Variants in EYS observed in about 807,000 individuals in gnomAD.
The protein encoded by EYS is EGF-like photoreceptor maintenance factor.
EYS carries 250 observed loss-of-function variants against 282.1 expected under a neutral mutation model. The observed-to-expected ratio is 0.89, with a 90% CI of 0.80 to 0.98. The LOEUF is 0.98. Ranked by LOEUF, EYS falls within the 50% of genes least tolerant of loss-of-function variation. The pLI is 0.00. For synonymous variants in EYS, 1,355 were observed against 1,282.9 expected (o/e 1.06, Z -1.20); for missense variants, 4,016 against 3,709.0 (o/e 1.08, Z -2.15).
intron 2 of EYS, among the ~76,000 whole-genome samples, chr6:65,517,897 A>C (rs1767203480): frequency 6.6e-6 from 1 of 152,038 alleles, no homozygotes; most frequent in East Asian, 1.9e-4. Context: ...TATGTGTAAG[A>C]GTTTCCAGTG....
At chr6:65,500,069 C>G (rs950623785) in intron 2 of EYS, among the ~76,000 whole-genome samples, 8 of 151,594 alleles carry the variant, frequency 5.3e-5, no homozygotes, top group Admixed American at 6.6e-5. Flanking sequence ...AAGGACTTGC[C>G]CAAGCTCACA....
chr6:63,906,191 G>A (rs1224249170), intron 35 of EYS, among the ~76,000 whole-genome samples: 1 of 152,164 alleles, frequency 6.6e-6, no homozygotes, highest in Non-Finnish European at 1.5e-5. Context: ...TTGTTATGAA[G>A]CATAATTACT....
At chr6:64,449,093 A>C (rs192423103) in intron 26 of EYS, among the ~76,000 whole-genome samples, 1 of 152,328 alleles carries the variant, frequency 6.6e-6, no homozygotes, top group East Asian at 1.9e-4. Flanking sequence ...ATGGCAAAGA[A>C]GATAAAAACT....
In EYS at chr6:64,997,586, T is replaced by G; in HGVS notation, c.2255A>C (p.His752Pro). The G allele has an allele frequency of 6.4e-7, 1 of 1,551,014 alleles. No individual in the cohort carries two copies. The highest frequency in any genetic ancestry group is 1.7e-4 in the Middle Eastern group (1 of 5,990). The change falls in exon 14 of 43, where the codon CAT becomes CCT. Residue 752 changes from histidine to proline, a missense_variant. Physicochemically the swap from His to Pro is moderately conservative, Grantham distance 77 (BLOSUM62 -2). Transcript: ENST00000503581. Reference protein sequence around the residue: ...CEHNSTCKDLHLSYQCVCLSD... With the variant: ...CEHNSTCKDLPLSYQCVCLSD... ...AAAAAGCCAGTGGATACTAACGAGATGCAGGTCTTTGCAGGTAGAATTGTG... is the reference window on the plus strand; with the variant it reads ...AAAAAGCCAGTGGATACTAACGAGAGGCAGGTCTTTGCAGGTAGAATTGTG...
chr6:64,381,336 C>T (rs1355825350), intron 29 of EYS, among the ~76,000 whole-genome samples: 1 of 152,026 alleles, frequency 6.6e-6, no homozygotes, highest in Non-Finnish European at 1.5e-5. Context: ...TTTTCTAGTC[C>T]TTTATTTCTT....
intron 11 of EYS, among the ~76,000 whole-genome samples, chr6:65,306,432 T>C (rs941660017): frequency 6.6e-6 from 1 of 152,138 alleles, no homozygotes; most frequent in Non-Finnish European, 1.5e-5. Flanking sequence ...ATAGCCCTTC[T>C]CCAAAGCAGG....
chr6:64,672,803 T>C (rs1769513310), intron 22 of EYS, among the ~76,000 whole-genome samples: 2 of 152,146 alleles, frequency 1.3e-5, no homozygotes, highest in South Asian at 2.1e-4. Flanking sequence ...AATTTAACTT[T>C]TCTGGTTAAA....
chr6:65,156,236 GCAA>G (rs891451730), intron 12 of EYS, among the ~76,000 whole-genome samples: 4 of 151,146 alleles, frequency 2.6e-5, no homozygotes, highest in African/African-American at 9.7e-5. Flanking sequence ...GTGTATTCCA[GCAA>G]CAATTAAATC....
intron 31 of EYS, among the ~76,000 whole-genome samples, chr6:64,123,631 GATTAAA>G (rs1343772020): frequency 2.6e-5 from 4 of 152,058 alleles, no homozygotes; most frequent in Non-Finnish European, 5.9e-5. Flanking sequence ...ATATTTTTCA[GATTAAA>G]TCAAAAGGCA....
chr6:63,908,033 CGTTT>C (rs1773825542), intron 35 of EYS, among the ~76,000 whole-genome samples: 1 of 110,480 alleles, frequency 9.1e-6, no homozygotes, highest in Non-Finnish European at 1.9e-5. Context: ...TATATATATA[CGTTT>C]GTGTGTGTGT....
chr6:65,367,100 CAG>C (rs1340327324), intron 8 of EYS, among the ~76,000 whole-genome samples: 1 of 151,720 alleles, frequency 6.6e-6, no homozygotes, highest in African/African-American at 2.4e-5. Flanking sequence ...ACAGAGGACA[CAG>C]GGGAAAATTT....
At chr6:64,021,458 A>G (rs1198228018) in intron 33 of EYS, among the ~76,000 whole-genome samples, 2 of 151,936 alleles carry the variant, frequency 1.3e-5, no homozygotes, top group African/African-American at 4.8e-5. Context: ...AATGCACAGG[A>G]CTGCCTGGAA....
At chr6:64,272,007 T>C (rs1767958797) in intron 30 of EYS, among the ~76,000 whole-genome samples, 2 of 152,172 alleles carry the variant, frequency 1.3e-5, no homozygotes, top group African/African-American at 2.4e-5. Flanking sequence ...GCCTGGATAA[T>C]AGGCCCTCAC....
chr6:64,135,034 C>A (rs1774113799), intron 31 of EYS, among the ~76,000 whole-genome samples: 1 of 152,010 alleles, frequency 6.6e-6, no homozygotes, highest in Non-Finnish European at 1.5e-5. Context: ...CCAGGAGTAG[C>A]CTTTGGAACC....
At chr6:65,374,082 A>G (rs957641025) in intron 8 of EYS, among the ~76,000 whole-genome samples, 2 of 152,190 alleles carry the variant, frequency 1.3e-5, no homozygotes, top group African/African-American at 2.4e-5. Context: ...TGGATTACCA[A>G]CTGTAGTAAG....
chr6:64,213,315 T>A (rs1765837231), intron 31 of EYS, among the ~76,000 whole-genome samples: 1 of 152,170 alleles, frequency 6.6e-6, no homozygotes, highest in South Asian at 2.1e-4. Flanking sequence ...ATTGTTCAAG[T>A]GCTCTATAAT....
intron 31 of EYS, among the ~76,000 whole-genome samples, chr6:64,105,250 C>A (rs537679492): frequency 6.6e-6 from 1 of 152,068 alleles, no homozygotes; most frequent in Non-Finnish European, 1.5e-5. Flanking sequence ...AACATCGCTA[C>A]GTGCCAGGCA....
intron 29 of EYS, among the ~76,000 whole-genome samples, chr6:64,360,432 G>T (rs1771965233): frequency 1.3e-5 from 2 of 151,788 alleles, no homozygotes; most frequent in African/African-American, 4.8e-5. Context: ...CTTCTTGTGT[G>T]CCGCTATGTC....
intron 12 of EYS, among the ~76,000 whole-genome samples, chr6:65,068,675 G>C (rs1773819514): frequency 6.6e-6 from 1 of 151,824 alleles, no homozygotes. Context: ...AGGTATCATA[G>C]GCCAGCTACC....
Sources: allele counts gnomAD v4.1 joint callset (sites outside exome capture counted in the v4.1 genomes callset), GRCh38; gene constraint gnomAD v4.1.1; transcripts MANE v1.5; gene names NCBI Gene and HGNC (gene_info 2026-07-23, HGNC 2026-07-21).